Variants in IL31RA observed in about 807,000 individuals in gnomAD.
IL31RA encodes interleukin-31 receptor subunit alpha.
Under a neutral mutation model 83.7 loss-of-function variants are expected in IL31RA, and 66 were observed. That is an observed-to-expected ratio of 0.79 (90% CI 0.65 to 0.97). IL31RA has a LOEUF of 0.97. Among genes scored for constraint, IL31RA ranks in the 50% least tolerant of loss-of-function variants. IL31RA has a pLI of 0.00. For missense variants in IL31RA, 798 were observed against 919.4 expected (o/e 0.87, Z 1.71); for synonymous variants, 325 against 329.0 (o/e 0.99, Z 0.13).
intron 2 of IL31RA, among the ~76,000 whole-genome samples, chr5:55,864,088 T>C (rs1745853774): frequency 6.6e-6 from 1 of 152,112 alleles, no homozygotes; most frequent in Non-Finnish European, 1.5e-5. Context: ...GTAATGAGAA[T>C]AATATAAGAC....
At chr5:55,861,714 G>T (rs564281643) in intron 2 of IL31RA, among the ~76,000 whole-genome samples, 2 of 151,674 alleles carry the variant, frequency 1.3e-5, no homozygotes, top group South Asian at 2.1e-4. Context: ...AGACACTGTG[G>T]CTCCTATCAA....
At chr5:55,906,348 T>C (rs1749155717) in intron 9 of IL31RA, 60 bp downstream of exon 9, 6 of 1,501,278 alleles carry the variant, frequency 4.0e-6, no homozygotes, top group Non-Finnish European at 5.5e-6. Flanking sequence ...TTTTCATCCA[T>C]TTTTAGATCT....
rs928037690 is a variant in IL31RA, at chr5:55,908,718, G to A, written c.1501+307G>A. Reference sequence around the variant, plus strand: ...GGAGCTCCCCGACCATCATTCCCAGGAATGGCGTGCCTGGCTTAAAGAGTG... The same window carrying A: ...GGAGCTCCCCGACCATCATTCCCAGAAATGGCGTGCCTGGCTTAAAGAGTG... On this transcript the variant is annotated intron_variant, in intron 11 of 14. Transcript: ENST00000652347. 5 of 1,455,098 alleles carry A rather than the reference G, an allele frequency of 3.4e-6. No homozygotes were observed. The African/African-American group carries it at 4.3e-5, about 12-fold the overall frequency. The allele number at this position is 1,455,098 out of a possible 1,614,324, so 90.1% of individuals were successfully genotyped here.
At chr5:55,852,214 G>A (rs1406279293) in intron 1 of IL31RA, 1 of 152,860 alleles carries the variant, frequency 6.5e-6, no homozygotes, top group African/African-American at 2.4e-5. Context: ...CTTGTCGCCA[G>A]GTTGGAGTAC....
chr5:55,867,903 T>TC (rs1746286821), intron 2 of IL31RA, among the ~76,000 whole-genome samples: 2 of 151,844 alleles, frequency 1.3e-5, no homozygotes, highest in South Asian at 4.2e-4. Flanking sequence ...TTCAATTACC[T>TC]CCCCCTGGGT....
In IL31RA at chr5:55,922,307, C is replaced by A; in HGVS notation, c.*5187C>A. Reference sequence around the variant, plus strand: ...AGCAAGGGGCAGGGGAGGGGCAGAACTCCACAAGAGGGCAAAACCTGCTGT... The same window carrying A: ...AGCAAGGGGCAGGGGAGGGGCAGAAATCCACAAGAGGGCAAAACCTGCTGT... On this transcript the variant is annotated 3_prime_UTR_variant, in exon 15 of 15. Coordinates refer to ENST00000652347, the MANE Select transcript of IL31RA (RefSeq NM_139017.7). 1.8e-6 allele frequency: 2 copies of A among 1,126,706 alleles called. No homozygotes were observed. The highest frequency in any genetic ancestry group is 2.6e-6 in the Non-Finnish European group (2 of 760,120). 69.8% of individuals were successfully genotyped at this position (1,126,706 alleles called of 1,614,324 possible). A position where few individuals can be genotyped will look rare whatever the true frequency, so the allele number is the denominator to read the frequency against.
chr5:55,886,360 A>G (rs1442309672), intron 5 of IL31RA, among the ~76,000 whole-genome samples: 1 of 129,386 alleles, frequency 7.7e-6, no homozygotes, highest in African/African-American at 3.0e-5. Context: ...TGCAACCTCC[A>G]CCTCCGGGGT....
chr5:55,910,694 T>C (rs1407488041), intron 12 of IL31RA, 22 bp downstream of exon 12: 2 of 1,613,178 alleles, frequency 1.2e-6, no homozygotes, highest in South Asian at 2.2e-5. Context: ...CTTCAAGCCT[T>C]AGGTACCTCT....
In IL31RA at chr5:55,886,268, C is replaced by CTTTTTTTTTTTTTTTT. The variant is rs35481013; in HGVS notation, c.606+3081_606+3096dup. On this transcript the variant is annotated intron_variant, in intron 5 of 14. Transcript: ENST00000652347. The stretch of plus-strand genomic sequence containing the variant: ...GCTAGCTTGCTTGCTTGCTTGCTTG[C>CTTTTTTTTTTTTTTTT]TTTTTTTTTTTTTTTTTTTTTTTGA... Among the ~76,000 whole-genome samples the CTTTTTTTTTTTTTTTT allele has an allele frequency of 1.7e-4, 12 of 71,502 alleles. 1 individual carries two copies. The highest frequency in any genetic ancestry group is 5.8e-4 in the African/African-American group (8 of 13,716). The allele number at this position is 71,502 out of a possible 152,430, so 46.9% of individuals were successfully genotyped here.
In IL31RA at chr5:55,920,398, A is replaced by G. The variant is rs1234889933; in HGVS notation, c.*3278A>G. ...TTTGTAGGTTCATGAACTAAAAGCTATAATGACCTATTTAATGGTTGAAAA... is the reference window on the plus strand; with the variant it reads ...TTTGTAGGTTCATGAACTAAAAGCTGTAATGACCTATTTAATGGTTGAAAA... On this transcript the variant is annotated 3_prime_UTR_variant, in exon 15 of 15. Transcript: ENST00000652347. Among the ~76,000 whole-genome samples, 2 of 152,272 alleles carry G rather than the reference A, an allele frequency of 1.3e-5. No individual in the cohort carries two copies. Among genetic ancestry groups the G allele is most frequent in the Non-Finnish European group, 2.9e-5 (2 of 68,048 alleles).
At chr5:55,864,776 CAT>C (rs1458157651) in intron 2 of IL31RA, among the ~76,000 whole-genome samples, 1 of 151,632 alleles carries the variant, frequency 6.6e-6, no homozygotes. Flanking sequence ...ACACTACACA[CAT>C]ACCACACACA....
At position 55,903,029 on chromosome 5, in the gene IL31RA, A is replaced by T. The variant is rs912006863; in HGVS notation, c.1069+2897A>T. 9.2e-5 allele frequency among the ~76,000 whole-genome samples: 14 copies of T among 152,210 alleles called. No individual in the cohort carries two copies. Among genetic ancestry groups the T allele is most frequent in the African/African-American group, 3.1e-4 (13 of 41,450 alleles). On this transcript the variant is annotated intron_variant, in intron 8 of 14. Coordinates refer to ENST00000652347, the MANE Select transcript of IL31RA (RefSeq NM_139017.7). This position sits in a 1 kb window ranked among gnomAD's most constrained non-coding sequence, Gnocchi z 4.7. ...AAAGTGACTTGAATTCCGGTCACAG[A>T]TGCTGTGTGACACTGAACTGGTTAT...
chr5:55,865,292 G>T (rs1745981584), intron 2 of IL31RA, among the ~76,000 whole-genome samples: 1 of 152,198 alleles, frequency 6.6e-6, no homozygotes, highest in Non-Finnish European at 1.5e-5. Flanking sequence ...AGCAAAGATA[G>T]AAAGCCTTTG....
At position 55,851,380 on chromosome 5, in the gene IL31RA, A is replaced by C; in HGVS notation, c.-191A>C. On this transcript the variant is annotated 5_prime_UTR_variant, in exon 1 of 15. Coordinates refer to ENST00000652347, the MANE Select transcript of IL31RA (RefSeq NM_139017.7). ...GCACAGCCTCCTTCTGCTTAGGAACACCAGACAGCACTCCAGCACTCTGCT... is the reference window on the plus strand; with the variant it reads ...GCACAGCCTCCTTCTGCTTAGGAACCCCAGACAGCACTCCAGCACTCTGCT... 1.1e-6 allele frequency: 1 copy of C among 905,344 alleles called. No homozygotes were observed. The highest frequency in any genetic ancestry group is 1.7e-6 in the Non-Finnish European group (1 of 591,560). 56.1% of individuals were successfully genotyped at this position (905,344 alleles called of 1,614,324 possible). A position where few individuals can be genotyped will look rare whatever the true frequency, so the allele number is the denominator to read the frequency against.
chr5:55,897,994 C>G (rs148377003), intron 7 of IL31RA, among the ~76,000 whole-genome samples: 431 of 152,312 alleles, frequency 2.8e-3, no homozygotes, highest in Non-Finnish European at 4.5e-3. Flanking sequence ...CGCCCACTCC[C>G]TCCACACCCG....
intron 6 of IL31RA, among the ~76,000 whole-genome samples, chr5:55,895,672 C>T (rs1360151414): frequency 6.6e-6 from 1 of 152,154 alleles, no homozygotes; most frequent in African/African-American, 2.4e-5. Context: ...ACTCTCTGTC[C>T]TTTTTGAAAA....
At chr5:55,911,203 G>C (rs1386439293) in intron 12 of IL31RA, among the ~76,000 whole-genome samples, 2 of 152,162 alleles carry the variant, frequency 1.3e-5, no homozygotes, top group African/African-American at 4.8e-5. Context: ...GCAGTCAAGA[G>C]AGAATGAGGA....
chr5:55,851,749 C>G (rs1038920514), intron 1 of IL31RA, 116 bp downstream of exon 1: 1 of 1,598,906 alleles, frequency 6.3e-7, no homozygotes. Flanking sequence ...AAATCCTGAG[C>G]CGTATGAGAT....
At chr5:55,908,499 C>T in intron 11 of IL31RA, 88 bp downstream of exon 11, 1 of 1,612,592 alleles carries the variant, frequency 6.2e-7, no homozygotes, top group Non-Finnish European at 8.5e-7. Context: ...GCTCCCCCAT[C>T]TCATTGTGAC....
Sources: gnomAD v4.1 joint callset for allele counts (sites outside exome capture counted in the v4.1 genomes callset) on GRCh38, gnomAD v4.1.1 for gene constraint, Gnocchi (gnomAD v3.1) non-coding constraint, MANE v1.5 for transcripts, NCBI Gene and HGNC (gene_info 2026-07-23, HGNC 2026-07-21) for gene names.